The following KLHL22 variants were observed in gnomAD, a reference collection of about 807,000 sequenced individuals.
The protein encoded by KLHL22 is kelch like family member 22, also known as kelch-like protein 22.
Under a neutral mutation model 60.7 loss-of-function variants are expected in KLHL22, and 18 were observed. The ratio of observed to expected loss-of-function variants is 0.30; its 90% CI spans 0.20 to 0.44. The LOEUF (loss-of-function observed/expected upper bound fraction) is 0.44. KLHL22 is among the 20% of genes least tolerant of loss of function. KLHL22 has a pLI of 1.00. For missense variants in KLHL22, 596 were observed against 852.3 expected, an observed-to-expected ratio of 0.70 and a Z score of 3.74; for synonymous variants, 355 against 354.5, an observed-to-expected ratio of 1.00 and a Z score of -0.01.
chr22:20,447,832 C>T (rs1375491995), intron 5 of KLHL22, among the ~76,000 whole-genome samples: 3 of 152,206 alleles, frequency 2.0e-5, no homozygotes, highest in African/African-American at 7.2e-5. Flanking sequence ...TGAGCCACCA[C>T]GCCCAGCCGA....
intron 3 of KLHL22, among the ~76,000 whole-genome samples, chr22:20,467,407 T>C (rs2053251759): frequency 1.3e-5 from 2 of 152,178 alleles, no homozygotes; most frequent in African/African-American, 2.4e-5. Context: ...CATCACTCTA[T>C]ACATAAGTTC....
At chr22:20,444,053 A>T (rs1425428348) in intron 6 of KLHL22, among the ~76,000 whole-genome samples, 8 of 89,682 alleles carry the variant, frequency 8.9e-5, no homozygotes, top group Non-Finnish European at 1.6e-4. Context: ...TCCATCTCAT[A>T]AAAAAAAAAA....
intron 5 of KLHL22, among the ~76,000 whole-genome samples, chr22:20,449,172 T>C (rs2052933413): frequency 6.6e-6 from 1 of 151,890 alleles, no homozygotes; most frequent in South Asian, 2.1e-4. Flanking sequence ...ACCATTCTCC[T>C]GCCTCAGCCT....
intron 2 of KLHL22, among the ~76,000 whole-genome samples, chr22:20,476,979 T>C (rs970064036): frequency 6.6e-6 from 1 of 151,470 alleles, no homozygotes; most frequent in Admixed American, 6.6e-5. Flanking sequence ...AGTGCTGGAT[T>C]ACAGGTGTGA....
chr22:20,478,508 CTTTTTTT>C (rs1196419660), intron 2 of KLHL22, among the ~76,000 whole-genome samples: 1 of 67,684 alleles, frequency 1.5e-5, no homozygotes, highest in South Asian at 6.6e-4. Context: ...AAACTTAATT[CTTTTTTT>C]TTTTTTTTTT....
chr22:20,447,260 C>A (rs2052881821), intron 5 of KLHL22, among the ~76,000 whole-genome samples: 1 of 152,254 alleles, frequency 6.6e-6, no homozygotes, highest in African/African-American at 2.4e-5. Flanking sequence ...ATCATGGGCA[C>A]CTCTTACCCT....
intron 2 of KLHL22, among the ~76,000 whole-genome samples, chr22:20,487,541 T>TAC (rs377125805): frequency 6.6e-6 from 1 of 151,782 alleles, no homozygotes; most frequent in Non-Finnish European, 1.5e-5. Flanking sequence ...TATTTATACA[T>TAC]ACACACACAC....
intron 5 of KLHL22, chr22:20,450,282 A>G: frequency 1.0e-6 from 1 of 987,644 alleles, no homozygotes; most frequent in Non-Finnish European, 1.6e-6. Context: ...GGCTGCCTGT[A>G]GTGATTACTT....
chr22:20,459,946 C>T (rs2053125421), intron 4 of KLHL22, among the ~76,000 whole-genome samples: 1 of 152,178 alleles, frequency 6.6e-6, no homozygotes, highest in Admixed American at 6.5e-5. Flanking sequence ...CTGGGGAGGG[C>T]AGAGCTCCCT....
intron 2 of KLHL22, among the ~76,000 whole-genome samples, chr22:20,486,733 A>G (rs1239855482): frequency 2.7e-5 from 4 of 150,800 alleles, no homozygotes; most frequent in African/African-American, 9.8e-5. Context: ...CCAGGCTGGA[A>G]TGCAGTGGCG....
At chr22:20,472,500 C>A (rs1021313970) in intron 2 of KLHL22, among the ~76,000 whole-genome samples, 1 of 152,046 alleles carries the variant, frequency 6.6e-6, no homozygotes, top group Admixed American at 6.6e-5. Flanking sequence ...GCAAGGCGGG[C>A]AGATCACCTG....
chr22:20,455,254 A>G (rs1382884761), intron 5 of KLHL22, among the ~76,000 whole-genome samples: 1 of 152,100 alleles, frequency 6.6e-6, no homozygotes, highest in Non-Finnish European at 1.5e-5. Context: ...CCTCCACGCT[A>G]CACTCTGAAC....
chr22:20,486,342 T>C (rs1301066604), intron 2 of KLHL22, among the ~76,000 whole-genome samples: 3 of 152,064 alleles, frequency 2.0e-5, no homozygotes, highest in African/African-American at 7.2e-5. Context: ...CTGAGGTTTT[T>C]CACTCCCTAT....
At chr22:20,474,257 C>T (rs2053373633) in intron 2 of KLHL22, among the ~76,000 whole-genome samples, 2 of 152,196 alleles carry the variant, frequency 1.3e-5, no homozygotes, top group South Asian at 4.1e-4. Context: ...CCTCGGCCTC[C>T]CAAAGGGCTG....
chr22:20,466,657 TTTC>T (rs1457899561), intron 3 of KLHL22, among the ~76,000 whole-genome samples: 1 of 152,136 alleles, frequency 6.6e-6, no homozygotes, highest in African/African-American at 2.4e-5. Flanking sequence ...TAGAATTATT[TTTC>T]TTTTTTCTTT....
chr22:20,442,334 C>T lies in KLHL22; in HGVS notation c.1644G>A (p.Val548=). The T allele has an allele frequency of 6.2e-7, 1 of 1,613,986 alleles. No homozygotes were observed. The highest frequency in any genetic ancestry group is 1.1e-5 in the South Asian group (1 of 91,084). The change falls in exon 7 of 7, where the codon GTG becomes GTA. Residue 548 remains valine, a synonymous_variant. Transcript: ENST00000328879. ...GIAVLDNRIY[V]LGGRSHNRGS... is the part of the protein sequence containing the mutation. The stretch of plus-strand genomic sequence containing the variant: ...CGCGGTTGTGTGAGCGGCCACCTAA[C>T]ACATAGATCCTGTTGTCCAGCACAG...
At position 20,460,610 on chromosome 22, in the gene KLHL22, C is replaced by CAAAAAAAAAAAAAAAAAAAA. The variant is rs60765839; in HGVS notation, c.1113-2630_1113-2611dup. On this transcript the variant is annotated intron_variant, in intron 4 of 6. Coordinates refer to ENST00000328879, the MANE Select transcript of KLHL22 (RefSeq NM_032775.4). The stretch of plus-strand genomic sequence containing the variant: ...GGCGACAGAGTGAAACTCCATCCCC[C>CAAAAAAAAAAAAAAAAAAAA]AAAAAAAAAAAAAAAAAAAAAAAAA... 2.1e-4 allele frequency among the ~76,000 whole-genome samples: 2 copies of CAAAAAAAAAAAAAAAAAAAA among 9,418 alleles called. 1 individual carries two copies. 6.2% of individuals were successfully genotyped at this position (9,418 alleles called of 152,430 possible).
At chr22:20,483,103 C>T in intron 2 of KLHL22, 1 of 647,734 alleles carries the variant, frequency 1.5e-6, no homozygotes, top group East Asian at 2.8e-5. Context: ...TGAGCTGCTC[C>T]ATCTACAGGG....
In KLHL22 at chr22:20,489,062, G is replaced by A. The variant is rs750344367; in HGVS notation, c.150C>T (p.Phe50=). The part of the protein sequence containing the change: ...LLALRDSGIL[F]DVVLVVEGRH... ...TGCCCTCCACCACCAGCACAACATC[G>A]AAGAGGATTCCGCTGTCCCGGAGAG... The change falls in exon 2 of 7, where the codon TTC becomes TTT. Residue 50 remains phenylalanine, a synonymous_variant. Coordinates refer to ENST00000328879, the MANE Select transcript of KLHL22 (RefSeq NM_032775.4). The A allele has an allele frequency of 2.5e-6, 4 of 1,613,900 alleles. No individual in the cohort carries two copies. The highest frequency in any genetic ancestry group is 2.2e-5 in the East Asian group (1 of 44,896).
Sources: gnomAD v4.1 joint callset for allele counts (sites outside exome capture counted in the v4.1 genomes callset) on GRCh38, gnomAD v4.1.1 for gene constraint, MANE v1.5 for transcripts, NCBI Gene and HGNC (gene_info 2026-07-23, HGNC 2026-07-21) for gene names.